ANK2: variants seen among roughly 807,000 people sequenced by gnomAD.
ANK2 encodes the protein ankyrin-2.
ANK2 carries 83 observed loss-of-function variants against 360.5 expected under a neutral mutation model. That is an observed-to-expected ratio of 0.23 (90% CI 0.19 to 0.28). The LOEUF is 0.28. Among genes scored for constraint, ANK2 ranks in the 10% least tolerant of loss-of-function variants. ANK2 has a pLI of 1.00. For synonymous variants in ANK2, 1,740 were observed against 1,759.5 expected, an observed-to-expected ratio of 0.99 and a Z score of 0.28; for missense variants, 4,201 against 4,795.7, an observed-to-expected ratio of 0.88 and a Z score of 3.66.
At chr4:113,312,771 T>G (rs1457299853) in intron 24 of ANK2, among the ~76,000 whole-genome samples, 1 of 152,130 alleles carries the variant, frequency 6.6e-6, no homozygotes, top group Admixed American at 6.5e-5. Context: ...GGAGTGTAAG[T>G]GTGGAGGACG....
chr4:112,832,761 T>C (rs888285729), intron 1 of ANK2, among the ~76,000 whole-genome samples: 1 of 152,236 alleles, frequency 6.6e-6, no homozygotes, highest in Non-Finnish European at 1.5e-5. Context: ...CATTTTTCCA[T>C]TTGGGATTGA....
chr4:113,281,762 T>C (rs2062471832), intron 17 of ANK2, among the ~76,000 whole-genome samples: 1 of 152,196 alleles, frequency 6.6e-6, no homozygotes, highest in Admixed American at 6.5e-5. Flanking sequence ...TAACTAAACA[T>C]GGGGTATAGA....
intron 2 of ANK2, among the ~76,000 whole-genome samples, chr4:113,016,580 G>C (rs961281540): frequency 6.6e-6 from 1 of 152,116 alleles, no homozygotes; most frequent in Non-Finnish European, 1.5e-5. Context: ...GCTGATGAAG[G>C]CATTAGCTGA....
At chr4:112,933,131 A>G (rs2093409407) in intron 2 of ANK2, among the ~76,000 whole-genome samples, 1 of 152,200 alleles carries the variant, frequency 6.6e-6, no homozygotes, top group Non-Finnish European at 1.5e-5. Context: ...TATATAAACA[A>G]ATGTACTTAC....
chr4:113,268,456 A>G (rs2057124707), intron 14 of ANK2, among the ~76,000 whole-genome samples: 1 of 152,206 alleles, frequency 6.6e-6, no homozygotes, highest in African/African-American at 2.4e-5. Context: ...AGTTTTTAGC[A>G]TGAAGGGGTG....
At chr4:113,333,452 A>G (rs1275580998) in intron 29 of ANK2, among the ~76,000 whole-genome samples, 1 of 152,094 alleles carries the variant, frequency 6.6e-6, no homozygotes, top group Non-Finnish European at 1.5e-5. Flanking sequence ...AGCCTTGAAG[A>G]TATCAAACAT....
intron 2 of ANK2, among the ~76,000 whole-genome samples, chr4:112,942,718 G>A (rs1382559074): frequency 2.0e-5 from 3 of 151,820 alleles, no homozygotes; most frequent in East Asian, 1.9e-4. Context: ...GGGTTTGTGT[G>A]TGTACACATA....
chr4:112,956,264 C>T (rs956536130), intron 2 of ANK2, among the ~76,000 whole-genome samples: 1 of 152,216 alleles, frequency 6.6e-6, no homozygotes, highest in South Asian at 2.1e-4. Context: ...TACGACAGCA[C>T]AACTAGCACA....
intron 1 of ANK2, chr4:113,174,182 G>T (rs1436702043): frequency 7.5e-6 from 3 of 399,746 alleles, no homozygotes; most frequent in South Asian, 2.2e-5. Flanking sequence ...CCATTTTAAT[G>T]GTTCTTTTAT....
At chr4:112,991,607 TTTTC>T (rs1457104724) in intron 2 of ANK2, among the ~76,000 whole-genome samples, 17 of 130,524 alleles carry the variant, frequency 1.3e-4, no homozygotes, top group Non-Finnish European at 2.1e-4. Flanking sequence ...TTTTCTTTTC[TTTTC>T]TTTCTTTCTT....
intron 2 of ANK2, among the ~76,000 whole-genome samples, chr4:113,039,966 G>A (rs1000581741): frequency 2.6e-5 from 4 of 151,850 alleles, no homozygotes; most frequent in Admixed American, 6.6e-5. Context: ...AAAAATTTGC[G>A]ATAACTTATT....
intron 1 of ANK2, among the ~76,000 whole-genome samples, chr4:113,146,786 G>C (rs2096851943): frequency 6.6e-6 from 1 of 151,850 alleles, no homozygotes; most frequent in South Asian, 2.1e-4. Flanking sequence ...CTTATTGCAA[G>C]TTATTTATTT....
intron 2 of ANK2, among the ~76,000 whole-genome samples, chr4:112,989,299 T>A (rs2154277476): frequency 6.6e-6 from 1 of 152,302 alleles, no homozygotes; most frequent in African/African-American, 2.4e-5. Context: ...TAGCAGAAAC[T>A]CAACTGATAA....
intron 1 of ANK2, among the ~76,000 whole-genome samples, chr4:112,832,989 C>G (rs1425654268): frequency 6.6e-6 from 1 of 152,080 alleles, no homozygotes; most frequent in Non-Finnish European, 1.5e-5. Context: ...GGACATGGAG[C>G]TAGTACAAGT....
chr4:112,964,327 C>G (rs1161725030), intron 2 of ANK2, among the ~76,000 whole-genome samples: 1 of 151,604 alleles, frequency 6.6e-6, no homozygotes, highest in Non-Finnish European at 1.5e-5. Flanking sequence ...ACCCTCACCC[C>G]CACTACCCTT....
At chr4:113,155,575 A>G (rs2097256277) in intron 1 of ANK2, among the ~76,000 whole-genome samples, 1 of 152,166 alleles carries the variant, frequency 6.6e-6, no homozygotes, top group Admixed American at 6.5e-5. Context: ...AAAAAATTAA[A>G]TGGAAGAAAA....
the ANK2 span, among the ~76,000 whole-genome samples, chr4:112,739,421 C>G: frequency 6.6e-6 from 1 of 152,254 alleles, no homozygotes; most frequent in African/African-American, 2.4e-5. Context: ...CAAGACCAGC[C>G]TGGCCAACAT....
chr4:113,308,145 A>G (rs143929337), intron 23 of ANK2, among the ~76,000 whole-genome samples: 1 of 152,364 alleles, frequency 6.6e-6, no homozygotes, highest in East Asian at 1.9e-4. Context: ...GAGTTGTACA[A>G]AATTCTTTCC....
chr4:113,365,511 CTAGGACTATATCACT>C (rs1431402466), intron 41 of ANK2, among the ~76,000 whole-genome samples: 1 of 152,132 alleles, frequency 6.6e-6, no homozygotes, highest in Admixed American at 6.6e-5. Flanking sequence ...AGGCTCACAA[CTAGGACTATATCACT>C]ACCAGTGACT....
Sources: allele counts gnomAD v4.1 joint callset (sites outside exome capture counted in the v4.1 genomes callset), GRCh38; gene constraint gnomAD v4.1.1; transcripts MANE v1.5; gene names NCBI Gene and HGNC (gene_info 2026-07-23, HGNC 2026-07-21).